GPR89B: variants seen among roughly 807,000 people sequenced by gnomAD.
GPR89B encodes the protein G protein-coupled receptor 89B.
In GPR89B, 25 loss-of-function variants were observed where a neutral mutation model predicts 52.4. That is an observed-to-expected ratio of 0.48 (90% CI 0.35 to 0.67). The LOEUF (loss-of-function observed/expected upper bound fraction) is 0.67. GPR89B is among the 30% of genes least tolerant of loss of function. The pLI is 0.01. For synonymous variants in GPR89B, 52 were observed against 151.2 expected (o/e 0.34, Z 4.81); for missense variants, 146 against 450.2 (o/e 0.32, Z 6.11).
chr1:148,007,945 G>C, the GPR89B span, among the ~76,000 whole-genome samples: 6,653 of 152,116 alleles, frequency 0.044, 202 homozygotes, highest in African/African-American at 0.072. Flanking sequence ...GTCCAAGACG[G>C]GGCAGGACAG....
intron 5 of GPR89B, among the ~76,000 whole-genome samples, chr1:147,950,661 C>G (rs1286810209): frequency 1.3e-5 from 2 of 152,188 alleles, no homozygotes; most frequent in African/African-American, 4.8e-5. Flanking sequence ...CTGAGTGAAC[C>G]AGACTCCGTC....
chr1:147,979,620 T>C (rs1328326156), intron 10 of GPR89B, among the ~76,000 whole-genome samples: 4 of 152,110 alleles, frequency 2.6e-5, no homozygotes, highest in African/African-American at 9.7e-5. Flanking sequence ...TAAATTCTTT[T>C]ACTGCATCTA....
chr1:147,945,425 C>G (rs1654887148), intron 5 of GPR89B, among the ~76,000 whole-genome samples: 1 of 152,022 alleles, frequency 6.6e-6, no homozygotes. Flanking sequence ...CACACCCTTC[C>G]ATGTATACTG....
At chr1:148,015,949 T>G in the GPR89B span, among the ~76,000 whole-genome samples, 3 of 152,012 alleles carry the variant, frequency 2.0e-5, no homozygotes, top group African/African-American at 7.3e-5. Context: ...CCTTTTTAAC[T>G]GAACACAGTC....
intron 5 of GPR89B, among the ~76,000 whole-genome samples, chr1:147,949,587 C>T (rs1236612631): frequency 7.6e-6 from 1 of 131,162 alleles, no homozygotes; most frequent in Non-Finnish European, 1.6e-5. Flanking sequence ...ACCCCCCCAC[C>T]TCCCTCCAGG....
At position 147,945,724 on chromosome 1, in the gene GPR89B, T is replaced by C. The variant is rs187358062; in HGVS notation, c.415+1626T>C. Among the ~76,000 whole-genome samples, 1,042 of 151,284 alleles carry C rather than the reference T, an allele frequency of 6.9e-3. 9 individuals carry two copies. The highest frequency in any genetic ancestry group is 0.012 in the Non-Finnish European group (784 of 67,660). On this transcript the variant is annotated intron_variant, in intron 5 of 13. Transcript: ENST00000314163. ...TCCAGTCCTGTGAAATTATTTCAAG[T>C]TTCTTTTTTTTTTTTCTTTTTGAGA...
chr1:148,015,993 C>G, the GPR89B span, among the ~76,000 whole-genome samples: 1 of 151,472 alleles, frequency 6.6e-6, no homozygotes, highest in Non-Finnish European at 1.5e-5. Context: ...CGCCTTCTGG[C>G]CTTGAAGTTA....
Position 147,936,673 on chromosome 1 carries a change from TTAAAGAC to T in GPR89B, c.92_98del (p.Lys31MetfsTer10), listed in dbSNP as rs1553247969. ...TGGCTTTTCTTCATGCGCCAATTGT[TTAAAGAC>T]TATGAGGTGAGAAGAAATCATTTTG... On this transcript the variant is annotated frameshift_variant, in exon 2 of 14. Transcript: ENST00000314163. LOFTEE classifies it high-confidence loss of function. The T allele has an allele frequency of 6.2e-7, 1 of 1,610,470 alleles. No homozygotes were observed. The highest frequency in any genetic ancestry group is 1.7e-5 in the Admixed American group (1 of 59,708).
chr1:147,965,598 C>A (rs1479688800), intron 7 of GPR89B, among the ~76,000 whole-genome samples: 1 of 152,052 alleles, frequency 6.6e-6, no homozygotes, highest in Non-Finnish European at 1.5e-5. Flanking sequence ...ACTAGTCGGT[C>A]CTCCACAGAC....
chr1:148,020,935 G>A, the GPR89B span, among the ~76,000 whole-genome samples: 4 of 151,756 alleles, frequency 2.6e-5, no homozygotes, highest in East Asian at 7.8e-4. Context: ...TGATCCACCA[G>A]CTTCGGCCTC....
chr1:147,961,791 A>G (rs1656589334), intron 7 of GPR89B, among the ~76,000 whole-genome samples: 1 of 152,090 alleles, frequency 6.6e-6, no homozygotes, highest in South Asian at 2.1e-4. Context: ...GTTTGCTGAA[A>G]ATTATAAAAC....
At chr1:147,936,276 T>C (rs1220147485) in intron 1 of GPR89B, among the ~76,000 whole-genome samples, 1 of 152,214 alleles carries the variant, frequency 6.6e-6, no homozygotes, top group African/African-American at 2.4e-5. Flanking sequence ...CCTCCCGAAG[T>C]GCTGGGATTA....
chr1:148,018,762 G>A, the GPR89B span, among the ~76,000 whole-genome samples: 2 of 151,702 alleles, frequency 1.3e-5, no homozygotes, highest in Non-Finnish European at 1.5e-5. Context: ...CGCCTCCCAG[G>A]TTCAAGCAAT....
intron 10 of GPR89B, among the ~76,000 whole-genome samples, chr1:147,978,784 G>A (rs1297448374): frequency 1.3e-5 from 2 of 151,908 alleles, no homozygotes; most frequent in African/African-American, 4.9e-5. Flanking sequence ...GCTGTGCTGT[G>A]GGGAATTCCT....
the GPR89B span, chr1:148,005,654 A>C: frequency 3.1e-6 from 3 of 956,256 alleles, no homozygotes; most frequent in Non-Finnish European, 4.8e-6. Flanking sequence ...GTCTAAGAAC[A>C]TGTCAACCTT....
At chr1:147,999,593 G>A in the GPR89B span, among the ~76,000 whole-genome samples, 2 of 141,022 alleles carry the variant, frequency 1.4e-5, no homozygotes, top group South Asian at 2.3e-4. Context: ...GCAAGACAAC[G>A]TCTCAAAAAA....
chr1:147,939,576 T>C (rs1259362674), intron 3 of GPR89B, among the ~76,000 whole-genome samples: 2 of 152,098 alleles, frequency 1.3e-5, no homozygotes, highest in Non-Finnish European at 2.9e-5. Flanking sequence ...TATAGACCCC[T>C]GGCACTTGAG....
chr1:148,013,078 A>G, the GPR89B span, among the ~76,000 whole-genome samples: 1 of 152,138 alleles, frequency 6.6e-6, no homozygotes, highest in Non-Finnish European at 1.5e-5. Context: ...ACAATTATTG[A>G]GCATTTATGC....
At position 147,993,532 on chromosome 1, in the gene GPR89B, T is replaced by G. The variant is rs1343969559; in HGVS notation, c.*615T>G. ...GATTTTACCAAAAGAGAGATTTCAG[T>G]TATGTCATTTTTTCTTGATTTCCTG... On this transcript the variant is annotated 3_prime_UTR_variant, in exon 14 of 14. Coordinates refer to ENST00000314163, the MANE Select transcript of GPR89B (RefSeq NM_016334.5). 0.042 allele frequency: 7,085 copies of G among 168,948 alleles called. 213 individuals carry two copies. The highest frequency in any genetic ancestry group is 0.073 in the African/African-American group (3,022 of 41,584). 10.5% of individuals were successfully genotyped at this position (168,948 alleles called of 1,614,324 possible).
Sources: gnomAD v4.1 joint callset for allele counts (sites outside exome capture counted in the v4.1 genomes callset) on GRCh38, gnomAD v4.1.1 for gene constraint, MANE v1.5 for transcripts, NCBI Gene and HGNC (gene_info 2026-07-23, HGNC 2026-07-21) for gene names.